Variants in EIF3B observed in about 807,000 individuals in gnomAD.
The protein encoded by EIF3B is eukaryotic translation initiation factor 3 subunit 9.
EIF3B carries 10 observed loss-of-function variants against 104.6 expected under a neutral mutation model. The observed-to-expected ratio is 0.10, with a 90% CI of 0.06 to 0.16. The LOEUF is 0.16. Among genes scored for constraint, EIF3B ranks in the 10% least tolerant of loss-of-function variants. The probability of loss-of-function intolerance (pLI) is 1.00; values close to 1 mark genes in which losing one functional copy is unlikely to be tolerated. For synonymous variants in EIF3B, 542 were observed against 417.2 expected (o/e 1.30, Z -3.65); for missense variants, 1,014 against 1,087.9 (o/e 0.93, Z 0.96).
At position 2,372,738 on chromosome 7, in the gene EIF3B, C is replaced by T; in HGVS notation, c.1753C>T (p.Pro585Ser). Reference sequence around the variant, plus strand: ...GTTTGCTGTGCTGCACGGAGAGGCTCCGCGGATATCTGTGTCTTTCTACCA... The same window carrying T: ...GTTTGCTGTGCTGCACGGAGAGGCTTCGCGGATATCTGTGTCTTTCTACCA... ...SKFAVLHGEAPRISVSFYHVK... is the reference protein window; with the variant it reads ...SKFAVLHGEASRISVSFYHVK... Residue 585 changes from proline (P) to serine (S), a missense_variant, in exon 12 of 19, where the codon CCG becomes TCG. Pro to Ser is a moderately conservative substitution (Grantham distance 74, BLOSUM62 -1). Around this residue, in one of 4 missense-constraint regions of EIF3B, gnomAD observed 266 missense variants for 324.0 expected, o/e 0.82. Transcript: ENST00000360876. The T allele has an allele frequency of 6.2e-7, 1 of 1,614,136 alleles. No homozygotes were observed. The highest frequency in any genetic ancestry group is 8.5e-7 in the Non-Finnish European group (1 of 1,180,018).
chr7:2,357,250 G>A (rs1779496182), intron 1 of EIF3B, among the ~76,000 whole-genome samples: 1 of 152,186 alleles, frequency 6.6e-6, no homozygotes, highest in African/African-American at 2.4e-5. Flanking sequence ...CAGGCTGGGT[G>A]ACGGCTGTGG....
intron 5 of EIF3B, among the ~76,000 whole-genome samples, chr7:2,364,123 A>G (rs994292264): frequency 2.0e-5 from 3 of 152,184 alleles, no homozygotes; most frequent in Non-Finnish European, 4.4e-5. Flanking sequence ...TTAGCTGGGC[A>G]TGGTGGCAGG....
rs746616040 is a variant in EIF3B at position 2,371,757 on chromosome 7, T to C, written c.1615-20T>C. The C allele has an allele frequency of 3.2e-6, 5 of 1,579,574 alleles. No individual in the cohort carries two copies. Among genetic ancestry groups the C allele is most frequent in the African/African-American group, 1.3e-5 (1 of 74,174 alleles). ...TTTCACTGTCCAGAATGTCACCCCT[T>C]CCCCCTTTTTTTTAAACAGGGTGTT... is the stretch of plus-strand genomic sequence containing the variant. On this transcript the variant is annotated intron_variant, in intron 10 of 18. Coordinates refer to ENST00000360876, the MANE Select transcript of EIF3B (RefSeq NM_001037283.2).
chr7:2,379,322 C>T, intron 17 of EIF3B, 72 bp from the exon 18 acceptor site: 1 of 1,553,860 alleles, frequency 6.4e-7, no homozygotes, highest in Non-Finnish European at 8.8e-7. Context: ...CTCCTGCGTT[C>T]CTTCCCACTG....
In EIF3B at chr7:2,362,611, T is replaced by G. The variant is rs372385087; in HGVS notation, c.693-34T>G. On this transcript the variant is annotated intron_variant, in intron 2 of 18. Transcript: ENST00000360876. ...AGCGCATACCTGCCTAGCCTTACAG[T>G]GTGGGTATGTGCCAACGGCCCTCTC... 123 of 1,613,596 alleles carry G rather than the reference T, an allele frequency of 7.6e-5. No individual in the cohort carries two copies. In the African/African-American group the frequency reaches 1.1e-3, roughly 14 times the overall value.
chr7:2,374,597 G>C lies in EIF3B; in HGVS notation c.1880G>C (p.Gly627Ala). ...CAAGGACAGTTCGTGGTGTTGGCGGGCCTGAGGAGGTAGGTGTCTGCGCTC... is the reference window on the plus strand; with the variant it reads ...CAAGGACAGTTCGTGGTGTTGGCGGCCCTGAGGAGGTAGGTGTCTGCGCTC... The part of the protein sequence containing the change: ...SPQGQFVVLA[G>A]LRSMNGALAF... The change falls in exon 13 of 19, where the codon GGC becomes GCC. Residue 627 changes from glycine to alanine, a missense_variant. Physicochemically the swap from Gly to Ala is moderately conservative, Grantham distance 60. Around this residue, in one of 4 missense-constraint regions of EIF3B, gnomAD observed 266 missense variants for 324.0 expected, o/e 0.82. Transcript: ENST00000360876. 6.2e-7 allele frequency: 1 copy of C among 1,614,000 alleles called. No individual in the cohort carries two copies. Among genetic ancestry groups the C allele is most frequent in the Non-Finnish European group, 8.5e-7 (1 of 1,179,860 alleles).
At chr7:2,366,641 C>T (rs1403357166) in intron 8 of EIF3B, 50 bp downstream of exon 8, 4 of 1,601,756 alleles carry the variant, frequency 2.5e-6, no homozygotes, top group Non-Finnish European at 3.4e-6. Flanking sequence ...TTGCTTGTAA[C>T]CGGGGTGTGG....
Position 2,355,317 on chromosome 7 carries a change from G to A in EIF3B, c.396G>A (p.Glu132=), listed in dbSNP as rs540304240. ...TGTCCGAGGACGCGGGAGGAAACGA[G>A]GGCAGAGCGGCCGAGGCCGAACCCC... ...QAVSEDAGGN[E]GRAAEAEPRA... is the part of the protein sequence containing the mutation. Residue 132 remains glutamate (E), a synonymous_variant, in exon 1 of 19, where the codon GAG becomes GAA. Coordinates refer to ENST00000360876, the MANE Select transcript of EIF3B (RefSeq NM_001037283.2). 1.6e-5 allele frequency: 24 copies of A among 1,541,132 alleles called. No homozygotes were observed. In the African/African-American group the frequency reaches 3.0e-4, roughly 19 times the overall value.
At chr7:2,362,872 T>A (rs1015365260) in intron 3 of EIF3B, 108 bp downstream of exon 3, 1 of 1,535,620 alleles carries the variant, frequency 6.5e-7, no homozygotes. Flanking sequence ...ATTGTTCACA[T>A]CCTTTCTGGT....
rs2240347 is a variant in EIF3B, at chr7:2,377,187, A to G, written c.2154+112A>G. The G allele has an allele frequency of 0.5, 682,168 of 1,376,368 alleles. 176,902 individuals are homozygous for G. Among genetic ancestry groups the G allele is most frequent in the East Asian group, 0.7 (27,936 of 40,130 alleles). The allele number at this position is 1,376,368 out of a possible 1,614,324, so 85.3% of individuals were successfully genotyped here. ...GTGGTGACTGGGGGATAAAAACGTGACATTTGCAAGGATTCTTTGAAGAGA... is the reference window on the plus strand; with the variant it reads ...GTGGTGACTGGGGGATAAAAACGTGGCATTTGCAAGGATTCTTTGAAGAGA... On this transcript the variant is annotated intron_variant, in intron 15 of 18. Coordinates refer to ENST00000360876, the MANE Select transcript of EIF3B (RefSeq NM_001037283.2).
intron 12 of EIF3B, chr7:2,374,162 C>T (rs917786566): frequency 1.1e-5 from 2 of 182,416 alleles, no homozygotes; most frequent in Admixed American, 5.7e-5. Context: ...TATCCAAAGA[C>T]GCCTTGTCGC....
rs1199216067 is a variant in EIF3B at position 2,355,234 on chromosome 7, G to A, written c.313G>A (p.Gly105Ser). 2.0e-6 allele frequency: 3 copies of A among 1,512,556 alleles called. No homozygotes were observed. Among genetic ancestry groups the A allele is most frequent in the African/African-American group, 1.4e-5 (1 of 69,620 alleles). The allele number at this position is 1,512,556 out of a possible 1,614,324, so 93.7% of individuals were successfully genotyped here. A position where few individuals can be genotyped will look rare whatever the true frequency, so the allele number is the denominator to read the frequency against. The change falls in exon 1 of 19, where the codon GGC becomes AGC. Residue 105 changes from glycine to serine, a missense_variant. By Grantham distance (56) the Gly-to-Ser change is moderately conservative. Transcript: ENST00000360876. Reference protein sequence around the residue: ...SHAEPPVPAQGEAPGEQARDE... With the variant: ...SHAEPPVPAQSEAPGEQARDE... ...TGCTGAGCCCCCTGTCCCGGCACAG[G>A]GCGAGGCCCCAGGAGAGCAGGCTCG...
chr7:2,379,284 G>A lies in EIF3B; in HGVS notation c.2341+42G>A, dbSNP rs56392317. The A allele has an allele frequency of 2.7e-3, 4,312 of 1,581,016 alleles. 100 individuals carry two copies. The African/African-American group carries it at 0.049, about 18-fold the overall frequency. ...TCAGTCCCCAGGAGCTGGCCCTTAC[G>A]CTGCCCCTGGGCCCTGGTGCCCGCG... is the stretch of plus-strand genomic sequence containing the variant. On this transcript the variant is annotated intron_variant, in intron 17 of 18. Coordinates refer to ENST00000360876, the MANE Select transcript of EIF3B (RefSeq NM_001037283.2).
At chr7:2,361,269 A>G (rs1475726833) in intron 2 of EIF3B, among the ~76,000 whole-genome samples, 1 of 152,186 alleles carries the variant, frequency 6.6e-6, no homozygotes, top group African/African-American at 2.4e-5. Context: ...AAATAAATAA[A>G]TAAAGTAAAA....
At chr7:2,379,974 C>A (rs1378078907) in intron 18 of EIF3B, 2 of 251,014 alleles carry the variant, frequency 8.0e-6, no homozygotes, top group Admixed American at 1.0e-4. Context: ...CCGCGCCTCA[C>A]AGCATGGGCA....
intron 18 of EIF3B, 185 bp downstream of exon 18, chr7:2,379,696 G>A (rs923527221): frequency 2.9e-5 from 17 of 582,456 alleles, no homozygotes; most frequent in East Asian, 2.6e-4. Flanking sequence ...CCTCGACTGC[G>A]CCCTCTGACC....
intron 1 of EIF3B, among the ~76,000 whole-genome samples, chr7:2,357,320 C>T (rs963612690): frequency 2.6e-5 from 4 of 152,110 alleles, no homozygotes; most frequent in Non-Finnish European, 5.9e-5. Flanking sequence ...ACAGGTGAGG[C>T]ATCTGGTCCT....
rs552367791 is a variant in EIF3B, at chr7:2,369,765, A to ATTTTTTTT, written c.1614+106_1614+113dup. On this transcript the variant is annotated intron_variant, in intron 10 of 18. Coordinates refer to ENST00000360876, the MANE Select transcript of EIF3B (RefSeq NM_001037283.2). ...CGTATTGTTTGGAGGGTGTTAATGG[A>ATTTTTTTT]TTTTTTTTTTTTTTTTTTTTTTTTT... is the stretch of plus-strand genomic sequence containing the variant. 4 of 366,232 alleles carry ATTTTTTTT rather than the reference A, an allele frequency of 1.1e-5. No homozygotes were observed. In the African/African-American group the frequency reaches 1.4e-4, roughly 13 times the overall value. The allele number at this position is 366,232 out of a possible 1,614,324, so 22.7% of individuals were successfully genotyped here.
At chr7:2,364,309 G>T in intron 5 of EIF3B, 63 bp from the exon 6 acceptor site, 1 of 1,385,286 alleles carries the variant, frequency 7.2e-7, no homozygotes, top group Non-Finnish European at 9.8e-7. Context: ...TAAATTCATT[G>T]TAGGAGGGGT....
Sources: gnomAD v4.1 joint callset for allele counts (sites outside exome capture counted in the v4.1 genomes callset) on GRCh38, gnomAD v4.1.1 for gene constraint, gnomAD v4.1.1 regional missense constraint, MANE v1.5 for transcripts, NCBI Gene and HGNC (gene_info 2026-07-23, HGNC 2026-07-21) for gene names.